Variants in ERBB4 observed in about 807,000 individuals in gnomAD.
The protein encoded by ERBB4 is receptor tyrosine-protein kinase erbB-4.
ERBB4 carries 42 observed loss-of-function variants against 158.0 expected under a neutral mutation model. The observed-to-expected ratio is 0.27, with a 90% CI of 0.21 to 0.34. The LOEUF (loss-of-function observed/expected upper bound fraction) is 0.34, where lower values mean the gene tolerates loss of function less well. ERBB4 is among the 10% of genes least tolerant of loss of function. The pLI is 1.00. For missense variants in ERBB4, 1,333 were observed against 1,624.1 expected (o/e 0.82, Z 3.08); for synonymous variants, 583 against 558.7 (o/e 1.04, Z -0.61).
intron 3 of ERBB4, among the ~76,000 whole-genome samples, chr2:211,901,698 C>T (rs1183562477): frequency 1.3e-5 from 2 of 152,144 alleles, no homozygotes; most frequent in Non-Finnish European, 2.9e-5. Flanking sequence ...ATGCATACAT[C>T]TGGCATGTTA....
intron 19 of ERBB4, among the ~76,000 whole-genome samples, chr2:211,587,901 G>C (rs1467929713): frequency 6.6e-6 from 1 of 152,150 alleles, no homozygotes; most frequent in Non-Finnish European, 1.5e-5. Context: ...TATGTGAAAT[G>C]ACACAGGTTC....
At position 211,703,407 on chromosome 2, in the gene ERBB4, T is replaced by C. The variant is rs185912109; in HGVS notation, c.1289+697A>G. Reference sequence around the variant, plus strand: ...TTTTAATAGTGAAATTCGATGTACTTTTTATAAAACATTATTAGAAAATCA... The same window carrying C: ...TTTTAATAGTGAAATTCGATGTACTCTTTATAAAACATTATTAGAAAATCA... On this transcript the variant is annotated intron_variant, in intron 11 of 27. Coordinates refer to ENST00000342788, the MANE Select transcript of ERBB4 (RefSeq NM_005235.3). 9.4e-3 allele frequency among the ~76,000 whole-genome samples: 1,430 copies of C among 152,292 alleles called. 9 individuals are homozygous for C. The highest frequency in any genetic ancestry group is 0.015 in the Non-Finnish European group (1,011 of 68,006).
At chr2:211,623,020 T>A (rs1446591701) in intron 18 of ERBB4, among the ~76,000 whole-genome samples, 5 of 73,878 alleles carry the variant, frequency 6.8e-5, no homozygotes, top group African/African-American at 2.6e-4. Context: ...TATATATATA[T>A]ATATATATAT....
At chr2:212,187,866 T>C (rs1158230815) in intron 1 of ERBB4, among the ~76,000 whole-genome samples, 2 of 152,132 alleles carry the variant, frequency 1.3e-5, no homozygotes, top group African/African-American at 4.8e-5. Flanking sequence ...ACAAGAAATG[T>C]GACTGAGAGC....
At chr2:211,481,832 C>G (rs1356347916) in intron 20 of ERBB4, among the ~76,000 whole-genome samples, 4 of 152,056 alleles carry the variant, frequency 2.6e-5, no homozygotes, top group African/African-American at 9.7e-5. Context: ...TAAGATGGAG[C>G]AACATGTTGA....
chr2:211,899,025 C>T (rs1193483276), intron 3 of ERBB4, among the ~76,000 whole-genome samples: 1 of 152,096 alleles, frequency 6.6e-6, no homozygotes, highest in African/African-American at 2.4e-5. Context: ...TGCCCAGTAC[C>T]TTACCTATTA....
intron 2 of ERBB4, among the ~76,000 whole-genome samples, chr2:212,035,251 A>T (rs1351629243): frequency 6.6e-6 from 1 of 152,202 alleles, no homozygotes; most frequent in African/African-American, 2.4e-5. Context: ...ACTTAGGTAC[A>T]GGTTCTTATC....
intron 3 of ERBB4, among the ~76,000 whole-genome samples, chr2:211,849,102 C>A (rs1428256871): frequency 6.6e-6 from 1 of 151,896 alleles, no homozygotes; most frequent in African/African-American, 2.4e-5. Flanking sequence ...AACCAATAAA[C>A]CAATAAGTAC....
intron 1 of ERBB4, among the ~76,000 whole-genome samples, chr2:212,416,790 T>C (rs1236620149): frequency 2.0e-5 from 3 of 152,046 alleles, no homozygotes; most frequent in African/African-American, 7.2e-5. Context: ...AATGACACCT[T>C]TATCTTTCAC....
At chr2:211,950,467 G>T (rs1460606400) in intron 2 of ERBB4, among the ~76,000 whole-genome samples, 1 of 152,110 alleles carries the variant, frequency 6.6e-6, no homozygotes, top group African/African-American at 2.4e-5. Flanking sequence ...TTGTTATAAA[G>T]ATATATCTGT....
At chr2:212,386,179 T>C (rs2090668111) in intron 1 of ERBB4, among the ~76,000 whole-genome samples, 1 of 151,932 alleles carries the variant, frequency 6.6e-6, no homozygotes, top group African/African-American at 2.4e-5. Flanking sequence ...AACTGAGTGT[T>C]TTTTATCGAC....
At chr2:212,162,590 C>T (rs902403640) in intron 1 of ERBB4, among the ~76,000 whole-genome samples, 1 of 151,728 alleles carries the variant, frequency 6.6e-6, no homozygotes. Flanking sequence ...ATGCTGTAAT[C>T]AGATACTGAA....
At chr2:211,949,477 T>C (rs924098087) in intron 2 of ERBB4, among the ~76,000 whole-genome samples, 2 of 152,216 alleles carry the variant, frequency 1.3e-5, no homozygotes, top group Non-Finnish European at 1.5e-5. Context: ...GATTATATGA[T>C]GAAATGATAA....
chr2:212,034,670 G>A (rs1392096916), intron 2 of ERBB4, among the ~76,000 whole-genome samples: 1 of 151,958 alleles, frequency 6.6e-6, no homozygotes, highest in Non-Finnish European at 1.5e-5. Context: ...AAAAGCTTGG[G>A]GGAAACAGCT....
chr2:211,720,697 G>A (rs7591137), intron 7 of ERBB4, among the ~76,000 whole-genome samples: 48,527 of 152,008 alleles, frequency 0.32, 8,160 homozygotes, highest in South Asian at 0.52. Context: ...ATTCAGTGCT[G>A]TTCTATTTTT....
intron 1 of ERBB4, among the ~76,000 whole-genome samples, chr2:212,263,959 C>CAGT (rs1263369917): frequency 6.6e-6 from 1 of 151,990 alleles, no homozygotes; most frequent in Non-Finnish European, 1.5e-5. Flanking sequence ...CTTGTCTGTC[C>CAGT]TACTAAATGG....
chr2:212,175,266 T>C (rs962099125), intron 1 of ERBB4, among the ~76,000 whole-genome samples: 1 of 152,092 alleles, frequency 6.6e-6, no homozygotes, highest in Non-Finnish European at 1.5e-5. Flanking sequence ...GTTGAATGAA[T>C]GAAGCTCACT....
At chr2:212,428,706 G>C (rs2091965286) in intron 1 of ERBB4, among the ~76,000 whole-genome samples, 1 of 152,106 alleles carries the variant, frequency 6.6e-6, no homozygotes, top group Non-Finnish European at 1.5e-5. Flanking sequence ...AATAAATAAA[G>C]TAAAATAAAA....
At chr2:212,028,562 C>A (rs1306943748) in intron 2 of ERBB4, among the ~76,000 whole-genome samples, 6 of 152,086 alleles carry the variant, frequency 3.9e-5, no homozygotes. Context: ...TTGTTCCATT[C>A]TAGGCAGGGA....
Sources: allele counts gnomAD v4.1 joint callset (sites outside exome capture counted in the v4.1 genomes callset), GRCh38; gene constraint gnomAD v4.1.1; transcripts MANE v1.5; gene names NCBI Gene and HGNC (gene_info 2026-07-23, HGNC 2026-07-21).